The following RBMS1 variants were observed in gnomAD, a reference collection of about 807,000 sequenced individuals.
RBMS1 encodes the protein RNA-binding motif, single-stranded-interacting protein 1.
In RBMS1, 17 loss-of-function variants were observed where a neutral mutation model predicts 62.3. The ratio of observed to expected loss-of-function variants is 0.27; its 90% CI spans 0.19 to 0.41. RBMS1 has a LOEUF of 0.41. Ranked by LOEUF, RBMS1 falls within the 10% of genes least tolerant of loss-of-function variation. The probability of loss-of-function intolerance (pLI) is 1.00; values close to 1 mark genes in which losing one functional copy is unlikely to be tolerated. For missense variants in RBMS1, 334 were observed against 504.5 expected (o/e 0.66, Z 3.24); for synonymous variants, 172 against 170.0 (o/e 1.01, Z -0.09).
chr2:160,285,161 G>T, intron 7 of RBMS1, 117 bp from the exon 8 acceptor site: 2 of 962,480 alleles, frequency 2.1e-6, no homozygotes, highest in Non-Finnish European at 3.3e-6. Context: ...GGAGGCTGAG[G>T]TGGGAAGATC....
In RBMS1 at chr2:160,417,502, T is replaced by A. The variant is rs963856255; in HGVS notation, c.76-50111A>T. Reference sequence around the variant, plus strand: ...GGGTAAAAGAGAAGTATCACACTCATCTCTCTGTATCAGTGTCCTATAAAT... The same window carrying A: ...GGGTAAAAGAGAAGTATCACACTCAACTCTCTGTATCAGTGTCCTATAAAT... On this transcript the variant is annotated intron_variant, in intron 1 of 13. Coordinates refer to ENST00000348849, the MANE Select transcript of RBMS1 (RefSeq NM_016836.4). Among the ~76,000 whole-genome samples, 4 of 152,348 alleles carry A rather than the reference T, an allele frequency of 2.6e-5. No individual in the cohort carries two copies. The East Asian group carries it at 5.8e-4, about 22-fold the overall frequency.
At chr2:160,407,804 G>A (rs143050684) in intron 1 of RBMS1, 9 of 981,218 alleles carry the variant, frequency 9.2e-6, no homozygotes, top group African/African-American at 3.5e-5. Context: ...CCATGGACGG[G>A]AGTTCGCGCG....
intron 4 of RBMS1, among the ~76,000 whole-genome samples, chr2:160,312,909 G>A (rs757970910): frequency 1.3e-4 from 19 of 151,576 alleles, no homozygotes; most frequent in Admixed American, 5.9e-4. Flanking sequence ...ATTTACTTAT[G>A]GGGTTACATA....
intron 2 of RBMS1, among the ~76,000 whole-genome samples, chr2:160,326,709 T>C (rs578107522): frequency 6.6e-6 from 1 of 152,336 alleles, no homozygotes; most frequent in African/African-American, 2.4e-5. Flanking sequence ...TTTTGTACTT[T>C]GGCAATAACA....
At chr2:160,472,494 T>C (rs1413236794) in intron 1 of RBMS1, among the ~76,000 whole-genome samples, 1 of 152,214 alleles carries the variant, frequency 6.6e-6, no homozygotes. Flanking sequence ...CAAAATATGA[T>C]GTGAACTTAA....
chr2:160,344,929 T>C (rs1692092465), intron 2 of RBMS1, among the ~76,000 whole-genome samples: 1 of 152,166 alleles, frequency 6.6e-6, no homozygotes. Flanking sequence ...AATATAATGA[T>C]AAAGATATAT....
chr2:160,299,422 C>A (rs948131805), intron 6 of RBMS1, among the ~76,000 whole-genome samples: 1 of 152,116 alleles, frequency 6.6e-6, no homozygotes, highest in Non-Finnish European at 1.5e-5. Flanking sequence ...CCTAGTGTTA[C>A]TTGTTTGCAC....
intron 1 of RBMS1, among the ~76,000 whole-genome samples, chr2:160,387,154 G>A (rs1274181910): frequency 6.6e-6 from 1 of 152,106 alleles, no homozygotes; most frequent in African/African-American, 2.4e-5. Flanking sequence ...TTCCCCTCTA[G>A]CTGTTCAATA....
Position 160,493,400 on chromosome 2 carries a change from C to A in RBMS1, c.-37G>T. The stretch of plus-strand genomic sequence containing the variant: ...GGAGCCTGCCGTGCAGGGTCGCGGA[C>A]ACTTTGGGGTTTCCAAGTCTCGGGC... On this transcript the variant is annotated 5_prime_UTR_variant, in exon 1 of 14. Coordinates refer to ENST00000348849, the MANE Select transcript of RBMS1 (RefSeq NM_016836.4). 1 of 1,602,020 alleles carries A rather than the reference C, an allele frequency of 6.2e-7. No individual in the cohort carries two copies. Among genetic ancestry groups the A allele is most frequent in the Non-Finnish European group, 8.5e-7 (1 of 1,169,594 alleles).
At position 160,311,229 on chromosome 2, in the gene RBMS1, T is replaced by C. The variant is rs1451362644; in HGVS notation, c.402+1927A>G. On this transcript the variant is annotated intron_variant, in intron 4 of 13. Coordinates refer to ENST00000348849, the MANE Select transcript of RBMS1 (RefSeq NM_016836.4). ...AAAAAAATCTATCTATCTATCTATC[T>C]ATCTATATATATATATATATATATA... 1.0e-3 allele frequency among the ~76,000 whole-genome samples: 75 copies of C among 72,972 alleles called. 7 individuals are homozygous for C. The highest frequency in any genetic ancestry group is 4.0e-3 in the South Asian group (8 of 1,994). The allele number at this position is 72,972 out of a possible 152,430, so 47.9% of individuals were successfully genotyped here.
Position 160,455,943 on chromosome 2 carries a change from A to C in RBMS1, c.75+37346T>G, listed in dbSNP as rs535960467. Among the ~76,000 whole-genome samples, 298 of 152,078 alleles carry C rather than the reference A, an allele frequency of 2.0e-3. 1 individual carries two copies. Among genetic ancestry groups the C allele is most frequent in the African/African-American group, 6.9e-3 (287 of 41,482 alleles). ...CGTGATCCGCCCGCCTCGGCCTCCC[A>C]AAGTGCTGGGATTACAGGCGTGAGC... On this transcript the variant is annotated intron_variant, in intron 1 of 13. Transcript: ENST00000348849.
chr2:160,341,230 TG>T (rs1691854492), intron 2 of RBMS1, among the ~76,000 whole-genome samples: 1 of 152,174 alleles, frequency 6.6e-6, no homozygotes, highest in African/African-American at 2.4e-5. Flanking sequence ...CTGCAATAAA[TG>T]TTTTAATGAA....
intron 1 of RBMS1, among the ~76,000 whole-genome samples, chr2:160,433,664 G>A (rs1293460670): frequency 6.6e-6 from 1 of 152,162 alleles, no homozygotes; most frequent in Non-Finnish European, 1.5e-5. Context: ...GACACATTTG[G>A]TAAGCCACAC....
At chr2:160,286,431 T>A (rs1314864121) in intron 7 of RBMS1, among the ~76,000 whole-genome samples, 1 of 150,720 alleles carries the variant, frequency 6.6e-6, no homozygotes, top group Non-Finnish European at 1.5e-5. Context: ...GCGATTCTCC[T>A]GCCTCAGCCT....
intron 4 of RBMS1, among the ~76,000 whole-genome samples, chr2:160,303,852 T>C (rs1559349200): frequency 1.3e-5 from 2 of 152,186 alleles, no homozygotes; most frequent in Non-Finnish European, 2.9e-5. Flanking sequence ...AGGAAGCTAT[T>C]ATTTCAATTT....
At chr2:160,299,493 C>T (rs1174447667) in intron 6 of RBMS1, among the ~76,000 whole-genome samples, 1 of 150,124 alleles carries the variant, frequency 6.7e-6, no homozygotes, top group Admixed American at 6.7e-5. Context: ...AACTGAAAAT[C>T]AAATTTCTCG....
chr2:160,483,175 T>G (rs1279774251), intron 1 of RBMS1, among the ~76,000 whole-genome samples: 2 of 152,162 alleles, frequency 1.3e-5, no homozygotes, highest in East Asian at 1.9e-4. Context: ...CACATCTTTT[T>G]TTAGGTTTTT....
At chr2:160,354,962 G>A (rs1692716428) in intron 2 of RBMS1, among the ~76,000 whole-genome samples, 2 of 152,194 alleles carry the variant, frequency 1.3e-5, no homozygotes, top group Admixed American at 6.6e-5. Flanking sequence ...CACCATTTAT[G>A]GAAACTCATC....
chr2:160,484,751 G>T (rs920003254), intron 1 of RBMS1, among the ~76,000 whole-genome samples: 6 of 151,244 alleles, frequency 4.0e-5, no homozygotes, highest in African/African-American at 1.5e-4. Context: ...GGCGCCTGTA[G>T]TCCCAGCTAC....
Sources: gnomAD v4.1 joint callset for allele counts (sites outside exome capture counted in the v4.1 genomes callset) on GRCh38, gnomAD v4.1.1 for gene constraint, MANE v1.5 for transcripts, NCBI Gene and HGNC (gene_info 2026-07-23, HGNC 2026-07-21) for gene names.